The following SYCP1 variants were observed in gnomAD, a reference collection of about 807,000 sequenced individuals.
SYCP1 encodes synaptonemal complex protein 1.
SYCP1 carries 64 observed loss-of-function variants against 153.1 expected under a neutral mutation model. The ratio of observed to expected loss-of-function variants is 0.42; its 90% confidence interval spans 0.34 to 0.51. The LOEUF (loss-of-function observed/expected upper bound fraction) is 0.51, where lower values mean the gene tolerates loss of function less well. SYCP1 is among the 20% of genes least tolerant of loss of function. The pLI is 0.06. For synonymous variants in SYCP1, 384 were observed against 341.8 expected (o/e 1.12, Z -1.36); for missense variants, 997 against 1,049.0 (o/e 0.95, Z 0.68).
intron 23 of SYCP1, among the ~76,000 whole-genome samples, chr1:114,933,261 C>T (rs1399840918): frequency 1.3e-5 from 2 of 152,168 alleles, no homozygotes; most frequent in Non-Finnish European, 2.9e-5. Flanking sequence ...CTGCAGCCTC[C>T]GCTGGTGATA....
At chr1:114,970,941 C>T (rs1672450191) in intron 27 of SYCP1, among the ~76,000 whole-genome samples, 1 of 152,168 alleles carries the variant, frequency 6.6e-6, no homozygotes, top group Non-Finnish European at 1.5e-5. Context: ...CTCTGGTTAG[C>T]CAGGGTGTTA....
At chr1:114,859,940 T>A (rs1557749854) in intron 7 of SYCP1, 130 bp downstream of exon 7, 1 of 300,958 alleles carries the variant, frequency 3.3e-6, no homozygotes, top group Non-Finnish European at 5.6e-6. Context: ...TAGAATTATA[T>A]CTGAGTGCTA....
At chr1:114,868,477 A>G (rs1664906740) in intron 8 of SYCP1, among the ~76,000 whole-genome samples, 1 of 152,028 alleles carries the variant, frequency 6.6e-6, no homozygotes, top group Non-Finnish European at 1.5e-5. Flanking sequence ...TTGATTTGCT[A>G]ATGTTTTGTT....
At chr1:114,966,502 A>AG (rs763785637) in intron 27 of SYCP1, among the ~76,000 whole-genome samples, 5 of 152,166 alleles carry the variant, frequency 3.3e-5, no homozygotes, top group Non-Finnish European at 7.4e-5. Flanking sequence ...ATTTCCCTAT[A>AG]AACACTGCTT....
intron 21 of SYCP1, among the ~76,000 whole-genome samples, chr1:114,923,969 A>C (rs1000834423): frequency 2.0e-5 from 3 of 152,190 alleles, no homozygotes; most frequent in African/African-American, 7.2e-5. Flanking sequence ...TATATTATAC[A>C]GATTGGAAGA....
At chr1:114,926,447 AAGGT>A in intron 22 of SYCP1, 50 bp from the exon 23 acceptor site, 1 of 1,496,446 alleles carries the variant, frequency 6.7e-7, no homozygotes, top group Admixed American at 2.2e-5. Context: ...AGTCAGTAGC[AAGGT>A]AAGTTTGAAT....
chr1:114,972,635 C>T (rs764424330), intron 27 of SYCP1, among the ~76,000 whole-genome samples: 6 of 152,114 alleles, frequency 3.9e-5, no homozygotes, highest in Non-Finnish European at 7.4e-5. Flanking sequence ...TTTTTGATTG[C>T]CATTTTAATC....
intron 8 of SYCP1, among the ~76,000 whole-genome samples, chr1:114,868,434 A>G (rs1302742377): frequency 6.6e-6 from 1 of 152,126 alleles, no homozygotes. Context: ...GGTGTGGGCC[A>G]CTGTGTCAGG....
chr1:114,993,033 A>C (rs1412504613), intron 30 of SYCP1, among the ~76,000 whole-genome samples: 1 of 151,522 alleles, frequency 6.6e-6, no homozygotes, highest in Admixed American at 6.6e-5. Context: ...GAAAAGATGA[A>C]TGCTATGAAG....
At chr1:114,922,226 A>ATCTC (rs1297582125) in intron 20 of SYCP1, among the ~76,000 whole-genome samples, 8 of 152,006 alleles carry the variant, frequency 5.3e-5, no homozygotes, top group Admixed American at 5.2e-4. Context: ...TTCTACCCTT[A>ATCTC]TCTCTGTCTC....
intron 23 of SYCP1, among the ~76,000 whole-genome samples, chr1:114,936,844 C>CAT (rs1670045053): frequency 1.3e-5 from 2 of 152,002 alleles, no homozygotes; most frequent in East Asian, 3.9e-4. Flanking sequence ...ACAAGGGATG[C>CAT]GAAGGACCTC....
At chr1:114,857,312 T>G (rs1386814186) in intron 4 of SYCP1, 37 bp downstream of exon 4, 31 of 1,588,344 alleles carry the variant, frequency 2.0e-5, no homozygotes, top group Non-Finnish European at 2.5e-5. Context: ...ATAATCTGTT[T>G]AGGTAATGAA....
chr1:114,924,614 A>C (rs1205826045), intron 21 of SYCP1, among the ~76,000 whole-genome samples: 1 of 152,174 alleles, frequency 6.6e-6, no homozygotes, highest in Non-Finnish European at 1.5e-5. Flanking sequence ...TAATATTCTA[A>C]GTTAAAAAAA....
chr1:114,900,337 G>A (rs1347477110), intron 16 of SYCP1, among the ~76,000 whole-genome samples: 1 of 151,962 alleles, frequency 6.6e-6, no homozygotes. Flanking sequence ...CTGGAGTGCG[G>A]TGGCGTGATC....
intron 8 of SYCP1, among the ~76,000 whole-genome samples, chr1:114,869,698 C>T (rs1407478254): frequency 2.6e-5 from 4 of 152,146 alleles, no homozygotes; most frequent in Non-Finnish European, 5.9e-5. Context: ...ATTGGGGATG[C>T]TCAACTGGTA....
intron 30 of SYCP1, among the ~76,000 whole-genome samples, chr1:114,986,775 C>T (rs1333545048): frequency 6.6e-6 from 1 of 151,954 alleles, no homozygotes; most frequent in Non-Finnish European, 1.5e-5. Flanking sequence ...AGTATACTGG[C>T]AGAAACTGTC....
intron 30 of SYCP1, among the ~76,000 whole-genome samples, chr1:114,985,986 A>G (rs757827379): frequency 9.9e-5 from 15 of 151,928 alleles, no homozygotes; most frequent in Admixed American, 9.2e-4. Context: ...AACTATTTAT[A>G]TAGTGTTTAC....
At chr1:114,895,836 T>A (rs1289127896) in intron 16 of SYCP1, among the ~76,000 whole-genome samples, 2 of 152,142 alleles carry the variant, frequency 1.3e-5, no homozygotes, top group African/African-American at 4.8e-5. Context: ...TTGAAAAAGG[T>A]GTATGATATA....
chr1:114,947,079 A>G (rs1670756589), intron 26 of SYCP1, among the ~76,000 whole-genome samples, 167 bp from the exon 27 acceptor site: 1 of 152,188 alleles, frequency 6.6e-6, no homozygotes, highest in Admixed American at 6.5e-5. Flanking sequence ...GTTTTTAGCT[A>G]TGTTAAGCTA....
Sources: allele counts gnomAD v4.1 joint callset (sites outside exome capture counted in the v4.1 genomes callset), GRCh38; gene constraint gnomAD v4.1.1; transcripts MANE v1.5; gene names NCBI Gene and HGNC (gene_info 2026-07-23, HGNC 2026-07-21).